The following ZNF474 variants were observed in gnomAD, a reference collection of about 807,000 sequenced individuals.
The protein encoded by ZNF474 is 4933409D10Rik.
For synonymous variants in ZNF474, 192 were observed against 162.2 expected, an observed-to-expected ratio of 1.18 and a Z score of -1.39; for missense variants, 511 against 433.8, an observed-to-expected ratio of 1.18 and a Z score of -1.58.
In ZNF474 at chr5:122,152,223, C is replaced by T. The variant is rs114823456; in HGVS notation, c.233C>T (p.Ser78Leu). The T allele has an allele frequency of 4.3e-4, 688 of 1,614,136 alleles. 4 individuals are homozygous for T. In the East Asian group the frequency reaches 0.014, roughly 33 times the overall value. The change falls in exon 2 of 2, where the codon TCG (serine) becomes TTG (leucine). Residue 78 changes from serine (S) to leucine (L), a missense_variant. Transcript: ENST00000296600. Reference sequence around the variant, plus strand: ...AAACTGTCAAGTAGAAGAATTATATCGGAAAGCCAGCTTAGCCCCCCTGTG... The same window carrying T: ...AAACTGTCAAGTAGAAGAATTATATTGGAAAGCCAGCTTAGCCCCCCTGTG... ...LSKLSSRRII[S>L]ESQLSPPVIP...
intron 1 of ZNF474, among the ~76,000 whole-genome samples, chr5:122,145,576 T>TA (rs1455866172): frequency 6.6e-6 from 1 of 152,076 alleles, no homozygotes; most frequent in Non-Finnish European, 1.5e-5. Context: ...ATATAAAATT[T>TA]AAAAAAATAC....
Position 122,152,896 on chromosome 5 carries a change from C to G in ZNF474, c.906C>G (p.His302Gln). Residue 302 changes from histidine to glutamine, a missense_variant, in exon 2 of 2, where the codon CAC (histidine) becomes CAG (glutamine). By Grantham distance (24) the His-to-Gln change is conservative. Transcript: ENST00000296600. ...TTACCTCAGACCGCCTCCTGGTACA[C>G]CAGAGAAGTTGTAAAACTCATCCTT... Reference protein sequence around the residue: ...RIFTSDRLLVHQRSCKTHPYG... With the variant: ...RIFTSDRLLVQQRSCKTHPYG... 6.2e-7 allele frequency: 1 copy of G among 1,614,016 alleles called. No individual in the cohort carries two copies. The highest frequency in any genetic ancestry group is 1.3e-5 in the African/African-American group (1 of 74,946).
chr5:122,144,744 G>A (rs1487834364), intron 1 of ZNF474, among the ~76,000 whole-genome samples: 1 of 152,182 alleles, frequency 6.6e-6, no homozygotes, highest in Admixed American at 6.5e-5. Flanking sequence ...CTTGTTATTC[G>A]ACTCTTCCAC....
chr5:122,130,585 T>C (rs561392718), intron 1 of ZNF474, among the ~76,000 whole-genome samples: 1 of 152,302 alleles, frequency 6.6e-6, no homozygotes, highest in South Asian at 2.1e-4. Flanking sequence ...ATTACATTGA[T>C]TGGTAGTTTG....
In ZNF474 at chr5:122,151,864, A is replaced by G; in HGVS notation, c.-127A>G. 1 of 1,163,134 alleles carries G rather than the reference A, an allele frequency of 8.6e-7. No individual in the cohort carries two copies. The allele number at this position is 1,163,134 out of a possible 1,614,324, so 72.1% of individuals were successfully genotyped here. ...ATGAAGCTCTGAGTCACGGTCTGTGAGGCTAAGGTACTGGCAACGGTGTGA... is the reference window on the plus strand; with the variant it reads ...ATGAAGCTCTGAGTCACGGTCTGTGGGGCTAAGGTACTGGCAACGGTGTGA... On this transcript the variant is annotated 5_prime_UTR_variant, in exon 2 of 2. An upstream open reading frame in the 5' UTR loses its in-frame stop. Transcript: ENST00000296600.
At chr5:122,145,629 T>G (rs931384983) in intron 1 of ZNF474, among the ~76,000 whole-genome samples, 2 of 152,164 alleles carry the variant, frequency 1.3e-5, no homozygotes. Flanking sequence ...AATTTGTTCA[T>G]CTACTGGAAA....
chr5:122,132,154 A>G (rs1026450730), intron 1 of ZNF474, among the ~76,000 whole-genome samples: 2 of 152,078 alleles, frequency 1.3e-5, no homozygotes, highest in Non-Finnish European at 2.9e-5. Context: ...TGTAGTGTAT[A>G]TTAGTAGTTT....
rs1481153526 is a variant in ZNF474, at chr5:122,152,418, G to C, written c.428G>C (p.Ser143Thr). The C allele has an allele frequency of 1.2e-6, 2 of 1,614,072 alleles. No homozygotes were observed. The highest frequency in any genetic ancestry group is 1.7e-6 in the Non-Finnish European group (2 of 1,180,044). ...GAACCCTCCAAACCACAGTCTCTCA[G>C]CAGCAGTGGGTCCTACAGTCTTCAG... Reference protein sequence around the residue: ...RPEPSKPQSLSSSGSYSLQAT... With the variant: ...RPEPSKPQSLTSSGSYSLQAT... The change falls in exon 2 of 2, where the codon AGC becomes ACC. Residue 143 changes from serine to threonine, a missense_variant. Transcript: ENST00000296600.
At chr5:122,136,889 T>G (rs960981935) in intron 1 of ZNF474, among the ~76,000 whole-genome samples, 2 of 152,192 alleles carry the variant, frequency 1.3e-5, no homozygotes, top group African/African-American at 2.4e-5. Context: ...CAACATTAAA[T>G]TTATTTTGTT....
intron 1 of ZNF474, among the ~76,000 whole-genome samples, chr5:122,132,972 C>A (rs374175379): frequency 3.9e-5 from 6 of 152,092 alleles, no homozygotes; most frequent in African/African-American, 1.2e-4. Context: ...GTGAACCATA[C>A]GCAAGAATTA....
chr5:122,142,716 A>T lies in ZNF474; in HGVS notation c.-212-9063A>T, dbSNP rs1225726030. 2.6e-5 allele frequency among the ~76,000 whole-genome samples: 4 copies of T among 152,288 alleles called. No individual in the cohort carries two copies. In the East Asian group the frequency reaches 7.7e-4, roughly 29 times the overall value. Reference sequence around the variant, plus strand: ...CATGAAAGAGAGTCTTGTTGCCATGATTCAGCGATGTCAAATGGTATGACA... The same window carrying T: ...CATGAAAGAGAGTCTTGTTGCCATGTTTCAGCGATGTCAAATGGTATGACA... On this transcript the variant is annotated intron_variant, in intron 1 of 1. Transcript: ENST00000296600.
intron 1 of ZNF474, among the ~76,000 whole-genome samples, chr5:122,144,392 AAAGGC>A (rs1209281108): frequency 2.6e-5 from 4 of 152,198 alleles, no homozygotes; most frequent in African/African-American, 9.6e-5. Flanking sequence ...TTGGAAGAGT[AAAGGC>A]TGGCTCTCTG....
chr5:122,130,136 G>C (rs1561435412), intron 1 of ZNF474, among the ~76,000 whole-genome samples: 1 of 152,002 alleles, frequency 6.6e-6, no homozygotes, highest in Non-Finnish European at 1.5e-5. Flanking sequence ...GGTATTAAAG[G>C]CTATAATTAC....
intron 1 of ZNF474, among the ~76,000 whole-genome samples, chr5:122,139,953 G>T (rs1370317932): frequency 6.6e-6 from 1 of 152,124 alleles, no homozygotes; most frequent in Non-Finnish European, 1.5e-5. Context: ...TAAAGGAGAA[G>T]AGTGAAAAAA....
chr5:122,145,441 T>C (rs1037068947), intron 1 of ZNF474, among the ~76,000 whole-genome samples: 1 of 152,172 alleles, frequency 6.6e-6, no homozygotes, highest in Non-Finnish European at 1.5e-5. Context: ...CCAGTGAGAA[T>C]GAGCCTGACA....
intron 1 of ZNF474, among the ~76,000 whole-genome samples, chr5:122,135,373 C>T (rs557655373): frequency 1.3e-5 from 2 of 152,212 alleles, no homozygotes; most frequent in African/African-American, 2.4e-5. Context: ...CAAAAGAAGT[C>T]ATGCAAACAG....
rs141426791 is a variant in ZNF474, at chr5:122,152,714, A to G, written c.724A>G (p.Lys242Glu). 83 of 1,614,086 alleles carry G rather than the reference A, an allele frequency of 5.1e-5. No homozygotes were observed. In the African/African-American group the frequency reaches 9.2e-4, roughly 18 times the overall value. Reference protein sequence around the residue: ...GTLSLPIHEPKCLEKWKMEND... With the variant: ...GTLSLPIHEPECLEKWKMEND... ...CCTGTCCCTTCCTATTCATGAGCCC[A>G]AATGCCTGGAAAAGTGGAAAATGGA... Residue 242 changes from lysine (K) to glutamate (E), a missense_variant, in exon 2 of 2, where the codon AAA (lysine) becomes GAA (glutamate). Coordinates refer to ENST00000296600, the MANE Select transcript of ZNF474 (RefSeq NM_207317.3).
intron 1 of ZNF474, among the ~76,000 whole-genome samples, chr5:122,136,219 ATGT>A (rs1205754435): frequency 6.6e-6 from 1 of 152,210 alleles, no homozygotes; most frequent in Non-Finnish European, 1.5e-5. Context: ...TGATTATTAC[ATGT>A]TGTATGCTTA....
chr5:122,142,511 C>G (rs970508493), intron 1 of ZNF474, among the ~76,000 whole-genome samples: 1 of 152,148 alleles, frequency 6.6e-6, no homozygotes, highest in Non-Finnish European at 1.5e-5. Flanking sequence ...AATGAACCAT[C>G]ACCACATTGC....
Sources: gnomAD v4.1 joint callset for allele counts (sites outside exome capture counted in the v4.1 genomes callset) on GRCh38, gnomAD v4.1.1 for gene constraint, MANE v1.5 for transcripts, NCBI Gene and HGNC (gene_info 2026-07-23, HGNC 2026-07-21) for gene names.